RAD21: variants seen among roughly 807,000 people sequenced by gnomAD.
RAD21 encodes RAD21 cohesin complex component, also known as double-strand-break repair protein rad21 homolog.
A neutral mutation model predicts 71.5 loss-of-function variants in RAD21; 18 were observed. The observed-to-expected ratio is 0.25, with a 90% CI of 0.17 to 0.37. The LOEUF (loss-of-function observed/expected upper bound fraction) is 0.37, where lower values mean the gene tolerates loss of function less well. Among genes scored for constraint, RAD21 ranks in the 10% least tolerant of loss-of-function variants. RAD21 has a pLI of 1.00. For missense variants in RAD21, 493 were observed against 769.1 expected, an observed-to-expected ratio of 0.64 and a Z score of 4.25; for synonymous variants, 248 against 254.0, an observed-to-expected ratio of 0.98 and a Z score of 0.22.
At chr8:116,861,638 A>G (rs1485561067) in intron 4 of RAD21, among the ~76,000 whole-genome samples, 2 of 151,976 alleles carry the variant, frequency 1.3e-5, no homozygotes, top group East Asian at 1.9e-4. Flanking sequence ...TAGCTGTGTT[A>G]AAGCTGACAT....
intron 2 of RAD21, among the ~76,000 whole-genome samples, chr8:116,864,988 A>C (rs1199929118): frequency 6.6e-6 from 1 of 152,154 alleles, no homozygotes; most frequent in Non-Finnish European, 1.5e-5. Flanking sequence ...CACGTGTGAC[A>C]CTTATGCTAA....
intron 7 of RAD21, 102 bp from the exon 8 acceptor site, chr8:116,856,390 A>G: frequency 7.4e-7 from 1 of 1,343,236 alleles, no homozygotes; most frequent in Non-Finnish European, 9.7e-7. Context: ...AAATGGAAAG[A>G]AATCCTGTTA....
chr8:116,865,662 T>C (rs1812674720), intron 2 of RAD21, among the ~76,000 whole-genome samples: 1 of 152,012 alleles, frequency 6.6e-6, no homozygotes, highest in African/African-American at 2.4e-5. Flanking sequence ...AAAAAGAAAA[T>C]AAAACAACCT....
intron 9 of RAD21, among the ~76,000 whole-genome samples, chr8:116,853,959 A>C (rs1812410450): frequency 6.6e-6 from 1 of 152,228 alleles, no homozygotes; most frequent in Admixed American, 6.5e-5. Context: ...AAAACACACT[A>C]AGACGATATA....
intron 12 of RAD21, 64 bp downstream of exon 12, chr8:116,850,554 A>G (rs1812327742): frequency 1.3e-6 from 2 of 1,574,126 alleles, no homozygotes; most frequent in African/African-American, 1.4e-5. Context: ...TAGCCCCAAT[A>G]TGAAAAATAA....
chr8:116,857,129 C>A, intron 6 of RAD21, 138 bp downstream of exon 6: 1 of 707,908 alleles, frequency 1.4e-6, no homozygotes, highest in Non-Finnish European at 2.3e-6. Flanking sequence ...CCGAAATGTC[C>A]TATTGAACCA....
rs187779274 is a variant in RAD21, at chr8:116,868,054, C to G, written c.-32-1293G>C. On this transcript the variant is annotated intron_variant, in intron 1 of 13. Coordinates refer to ENST00000297338, the MANE Select transcript of RAD21 (RefSeq NM_006265.3). The stretch of plus-strand genomic sequence containing the variant: ...CATTTCTAATTTTGTCACTTTTTTT[C>G]TTTTAAGAGATGGGGTCTCATTCTG... Among the ~76,000 whole-genome samples, 51 of 152,114 alleles carry G rather than the reference C, an allele frequency of 3.4e-4. 1 individual carries two copies. The East Asian group carries it at 9.1e-3, about 27-fold the overall frequency.
chr8:116,873,772 C>A (rs535878425), intron 1 of RAD21, among the ~76,000 whole-genome samples: 33 of 152,052 alleles, frequency 2.2e-4, no homozygotes, highest in African/African-American at 7.5e-4. Context: ...ACTATCAAAG[C>A]GGATCATTCG....
chr8:116,860,013 T>C (rs1812556043), intron 4 of RAD21, among the ~76,000 whole-genome samples: 2 of 152,286 alleles, frequency 1.3e-5, no homozygotes, highest in South Asian at 2.1e-4. Flanking sequence ...GACAGAAAGT[T>C]TGGAAGAAAT....
At chr8:116,861,235 T>C (rs1166924124) in intron 4 of RAD21, among the ~76,000 whole-genome samples, 2 of 151,900 alleles carry the variant, frequency 1.3e-5, no homozygotes, top group Non-Finnish European at 2.9e-5. Context: ...GTTATGCTAA[T>C]AAGTCACTTG....
chr8:116,849,128 T>A, intron 12 of RAD21, 99 bp from the exon 13 acceptor site: 2 of 802,020 alleles, frequency 2.5e-6, no homozygotes, highest in Non-Finnish European at 3.7e-6. Context: ...CTTGAGATTG[T>A]GTATTTTGAA....
chr8:116,849,080 T>C, intron 12 of RAD21, 51 bp from the exon 13 acceptor site: 1 of 1,397,946 alleles, frequency 7.2e-7, no homozygotes, highest in Non-Finnish European at 9.7e-7. Flanking sequence ...CAATGAAAAA[T>C]GAAGTATTTC....
At chr8:116,870,216 C>G (rs1042893695) in intron 1 of RAD21, among the ~76,000 whole-genome samples, 1 of 152,212 alleles carries the variant, frequency 6.6e-6, no homozygotes, top group East Asian at 1.9e-4. Flanking sequence ...CTCTTCCTCC[C>G]AAATTTGGAG....
At chr8:116,856,531 A>G (rs1235834943) in intron 7 of RAD21, 115 bp downstream of exon 7, 1 of 1,286,202 alleles carries the variant, frequency 7.8e-7, no homozygotes. Context: ...CACTGTACTT[A>G]AAGATATTTA....
chr8:116,856,525 G>C, intron 7 of RAD21, 121 bp downstream of exon 7: 1 of 1,279,692 alleles, frequency 7.8e-7, no homozygotes, highest in East Asian at 2.6e-5. Flanking sequence ...CATAAGCACT[G>C]TACTTAAAGA....
chr8:116,853,174 G>T (rs1178164060), intron 9 of RAD21, among the ~76,000 whole-genome samples: 2 of 152,216 alleles, frequency 1.3e-5, no homozygotes, highest in Non-Finnish European at 1.5e-5. Flanking sequence ...CGCGCCCCCG[G>T]TTCAAGTGAT....
At chr8:116,868,205 G>A (rs546963499) in intron 1 of RAD21, among the ~76,000 whole-genome samples, 1 of 152,228 alleles carries the variant, frequency 6.6e-6, no homozygotes, top group East Asian at 1.9e-4. Context: ...CACCACACTG[G>A]ACTTAATTTT....
intron 11 of RAD21, chr8:116,851,329 C>T (rs1812344020): frequency 6.6e-6 from 1 of 152,230 alleles, no homozygotes; most frequent in South Asian, 2.1e-4. Context: ...TTATTGACAA[C>T]TCTTACCACC....
At chr8:116,851,760 C>T (rs1428943200) in intron 11 of RAD21, 188 bp downstream of exon 11, 7 of 498,070 alleles carry the variant, frequency 1.4e-5, no homozygotes, top group Non-Finnish European at 2.4e-5. Flanking sequence ...AAAGACTGCA[C>T]CGACTCCCAG....
Sources: allele counts gnomAD v4.1 joint callset (sites outside exome capture counted in the v4.1 genomes callset), GRCh38; gene constraint gnomAD v4.1.1; transcripts MANE v1.5; gene names NCBI Gene and HGNC (gene_info 2026-07-23, HGNC 2026-07-21).